The following BCL2 variants were observed in gnomAD, a reference collection of about 807,000 sequenced individuals.
BCL2 encodes BCL2 apoptosis regulator.
Under a neutral mutation model 14.2 loss-of-function variants are expected in BCL2, and 1 was observed. The observed-to-expected ratio is 0.07, with a 90% CI of 0.02 to 0.33. The LOEUF is 0.33. Ranked by LOEUF, BCL2 falls within the 10% of genes least tolerant of loss-of-function variation. BCL2 has a pLI of 0.99. For synonymous variants in BCL2, 151 were observed against 137.2 expected, an observed-to-expected ratio of 1.10 and a Z score of -0.70; for missense variants, 247 against 305.9, an observed-to-expected ratio of 0.81 and a Z score of 1.44.
intron 2 of BCL2, among the ~76,000 whole-genome samples, chr18:63,300,448 C>T (rs1233885914): frequency 3.5e-5 from 5 of 143,886 alleles, no homozygotes; most frequent in East Asian, 3.9e-4. Flanking sequence ...AGATCTTGTG[C>T]TCCTTCTCTC....
intron 2 of BCL2, among the ~76,000 whole-genome samples, chr18:63,198,209 GACACACACAA>G (rs1336928730): frequency 4.1e-5 from 6 of 145,716 alleles, no homozygotes; most frequent in South Asian, 2.2e-4. Context: ...GACACACACA[GACACACACAA>G]ACACACACAG....
chr18:63,238,174 G>C (rs1358859946), intron 2 of BCL2, among the ~76,000 whole-genome samples: 2 of 152,192 alleles, frequency 1.3e-5, no homozygotes, highest in East Asian at 1.9e-4. Flanking sequence ...CAGGGAGAAA[G>C]AAATGAATTC....
intron 2 of BCL2, among the ~76,000 whole-genome samples, chr18:63,177,238 T>C (rs1158804955): frequency 6.6e-6 from 1 of 152,188 alleles, no homozygotes; most frequent in Non-Finnish European, 1.5e-5. Flanking sequence ...AAAAAGTCTT[T>C]AGTGGATTGC....
In BCL2 at chr18:63,146,484, G is replaced by C. The variant is rs542350260; in HGVS notation, c.586-17725C>G. Among the ~76,000 whole-genome samples, 4 of 152,382 alleles carry C rather than the reference G, an allele frequency of 2.6e-5. No homozygotes were observed. The South Asian group carries it at 8.3e-4, about 32-fold the overall frequency. ...GACGCCAGGCCTGCGATCCACGCTG[G>C]AGTCAGCCAGAGGCCCGCTCTACAA... On this transcript the variant is annotated intron_variant, in intron 2 of 2. Coordinates refer to ENST00000333681, the MANE Select transcript of BCL2 (RefSeq NM_000633.3).
chr18:63,124,061 T>C lies in BCL2; in HGVS notation c.*4564A>G, dbSNP rs1456480342. 2 of 221,516 alleles carry C rather than the reference T, an allele frequency of 9.0e-6. No individual in the cohort carries two copies. The highest frequency in any genetic ancestry group is 4.5e-5 in the African/African-American group (2 of 44,632). 13.7% of individuals were successfully genotyped at this position (221,516 alleles called of 1,614,324 possible). A position where few individuals can be genotyped will look rare whatever the true frequency, so the allele number is the denominator to read the frequency against. On this transcript the variant is annotated 3_prime_UTR_variant, in exon 3 of 3. Transcript: ENST00000333681. ...GGGCAGTCCAGATGAACCGGTACAG[T>C]ACCATTCATGCTCCATCTGATTTTC...
chr18:63,179,485 C>T (rs575767845), intron 2 of BCL2, among the ~76,000 whole-genome samples: 3 of 152,282 alleles, frequency 2.0e-5, no homozygotes, highest in African/African-American at 4.8e-5. Context: ...ACACAAGAGC[C>T]CCTTCCCATG....
At chr18:63,161,506 C>T (rs1006706057) in intron 2 of BCL2, among the ~76,000 whole-genome samples, 3 of 152,142 alleles carry the variant, frequency 2.0e-5, no homozygotes, top group African/African-American at 4.8e-5. Context: ...CTGAAAGCTC[C>T]CTCGCCCCTC....
intron 2 of BCL2, among the ~76,000 whole-genome samples, chr18:63,215,712 G>A (rs1910181023): frequency 6.6e-6 from 1 of 152,098 alleles, no homozygotes; most frequent in Admixed American, 6.5e-5. Context: ...AACCGCATGG[G>A]TGCTCCTATC....
intron 2 of BCL2, among the ~76,000 whole-genome samples, chr18:63,209,211 T>C (rs1909929194): frequency 6.6e-6 from 1 of 152,128 alleles, no homozygotes; most frequent in East Asian, 1.9e-4. Flanking sequence ...GTCGGTAAAT[T>C]GGTGCAAGTG....
chr18:63,295,939 C>A (rs780310238), intron 2 of BCL2, among the ~76,000 whole-genome samples: 2 of 152,212 alleles, frequency 1.3e-5, no homozygotes, highest in East Asian at 1.9e-4. Flanking sequence ...TGACTCCCAA[C>A]AGAAGAAAAC....
At chr18:63,219,962 G>A (rs374690318) in intron 2 of BCL2, among the ~76,000 whole-genome samples, 1 of 152,066 alleles carries the variant, frequency 6.6e-6, no homozygotes, top group Non-Finnish European at 1.5e-5. Flanking sequence ...TCCAGAAATC[G>A]GGGCCTTTAT....
chr18:63,266,637 T>TCTCTCTCACA lies in BCL2; in HGVS notation c.585+51444_585+51445insTGTGAGAGAG, dbSNP rs1491465885. ...CTCTCTCTCTCTCTCTCTCTCTCTC[T>TCTCTCTCACA]CACACACACACACACACACAAAAAT... On this transcript the variant is annotated intron_variant, in intron 2 of 2. Coordinates refer to ENST00000333681, the MANE Select transcript of BCL2 (RefSeq NM_000633.3). Among the ~76,000 whole-genome samples, 5 of 85,940 alleles carry TCTCTCTCACA rather than the reference T, an allele frequency of 5.8e-5. No homozygotes were observed. The South Asian group carries it at 1.2e-3, about 21-fold the overall frequency. The allele number at this position is 85,940 out of a possible 152,430, so 56.4% of individuals were successfully genotyped here.
intron 2 of BCL2, among the ~76,000 whole-genome samples, chr18:63,193,651 T>C (rs548571443): frequency 2.3e-4 from 35 of 150,850 alleles, no homozygotes; most frequent in African/African-American, 7.1e-4. Context: ...CACATATATA[T>C]ACACATACAT....
rs1914606582 is a variant in BCL2 at position 63,149,845 on chromosome 18, ATTT to A, written c.586-21089_586-21087del. Among the ~76,000 whole-genome samples the A allele has an allele frequency of 1.8e-5, 1 of 54,262 alleles. No individual in the cohort carries two copies. The highest frequency in any genetic ancestry group is 5.1e-4 in the South Asian group (1 of 1,948). 35.6% of individuals were successfully genotyped at this position (54,262 alleles called of 152,430 possible). Reference sequence around the variant, plus strand: ...AGAAAGGGTTCTCCTGACATGAGGCATTTATTTATTTATTTATTTATTTATTTA... The same window carrying A: ...AGAAAGGGTTCTCCTGACATGAGGCAATTTATTTATTTATTTATTTATTTA... On this transcript the variant is annotated intron_variant, in intron 2 of 2. Coordinates refer to ENST00000333681, the MANE Select transcript of BCL2 (RefSeq NM_000633.3). This position sits in a 1 kb window ranked among gnomAD's most constrained non-coding sequence, Gnocchi z 4.2.
intron 2 of BCL2, among the ~76,000 whole-genome samples, chr18:63,230,674 G>C (rs1021292154): frequency 6.6e-6 from 1 of 152,016 alleles, no homozygotes; most frequent in Admixed American, 6.5e-5. Context: ...TAAAGCATGA[G>C]AATTCTTTTC....
chr18:63,317,961 A>G, intron 2 of BCL2, 121 bp downstream of exon 2: 1 of 1,486,664 alleles, frequency 6.7e-7, no homozygotes, highest in Non-Finnish European at 9.0e-7. Context: ...GGAAGCAACA[A>G]CTCTGATTTT....
At chr18:63,186,399 A>G (rs1568227684) in intron 2 of BCL2, among the ~76,000 whole-genome samples, 1 of 152,332 alleles carries the variant, frequency 6.6e-6, no homozygotes, top group Non-Finnish European at 1.5e-5. Context: ...TTTAATTTAT[A>G]ATTAGTGGAA....
intron 2 of BCL2, among the ~76,000 whole-genome samples, chr18:63,226,794 G>A: frequency 6.6e-6 from 1 of 151,830 alleles, no homozygotes; most frequent in East Asian, 1.9e-4. Context: ...AAAAAAGGTA[G>A]GGAGATGTTA....
intron 2 of BCL2, among the ~76,000 whole-genome samples, chr18:63,287,249 T>C (rs576595691): frequency 6.6e-6 from 1 of 152,202 alleles, no homozygotes; most frequent in Non-Finnish European, 1.5e-5. Context: ...ATTAGAATTC[T>C]GTATGCTCCT....
Sources: allele counts gnomAD v4.1 joint callset (sites outside exome capture counted in the v4.1 genomes callset), GRCh38; gene constraint gnomAD v4.1.1; non-coding constraint Gnocchi (gnomAD v3.1); transcripts MANE v1.5; gene names NCBI Gene and HGNC (gene_info 2026-07-23, HGNC 2026-07-21).